Variants in ADSL observed in about 807,000 individuals in gnomAD.
ADSL encodes adenylosuccinase.
Under a neutral mutation model 62.1 loss-of-function variants are expected in ADSL, and 44 were observed. The observed-to-expected ratio is 0.71, with a 90% confidence interval of 0.56 to 0.91. The LOEUF (loss-of-function observed/expected upper bound fraction) is 0.91, where lower values mean the gene tolerates loss of function less well. Ranked by LOEUF, ADSL falls within the 40% of genes least tolerant of loss-of-function variation. The pLI, the probability that ADSL is intolerant of heterozygous loss-of-function variation, is 0.00. For missense variants in ADSL, 531 were observed against 627.4 expected (o/e 0.85, Z 1.64); for synonymous variants, 198 against 220.5 (o/e 0.90, Z 0.90).
rs527429978 is a variant in ADSL, at chr22:40,361,409, C to T, written c.862+67C>T. On this transcript the variant is annotated intron_variant, in intron 8 of 12. Coordinates refer to ENST00000623063, the MANE Select transcript of ADSL (RefSeq NM_000026.4). ...GAAGGCTGTGGATGGGGGCTGAGAG[C>T]TCATTCAGCATGCTTGCCTACTCAC... is the stretch of plus-strand genomic sequence containing the variant. 10 of 1,611,296 alleles carry T rather than the reference C, an allele frequency of 6.2e-6. No individual in the cohort carries two copies. In the East Asian group the frequency reaches 2.2e-4, roughly 36 times the overall value.
At chr22:40,352,461 G>A (rs2044385151) in intron 2 of ADSL, among the ~76,000 whole-genome samples, 1 of 152,118 alleles carries the variant, frequency 6.6e-6, no homozygotes, top group Admixed American at 6.6e-5. Context: ...CCGGGAGGTG[G>A]AGCTCGCAGT....
downstream of ADSL, chr22:40,370,735 TTCCCC>T (rs2045237750): frequency 6.6e-6 from 1 of 152,484 alleles, no homozygotes; most frequent in Non-Finnish European, 1.5e-5. Flanking sequence ...CGCCTACAAG[TTCCCC>T]TCAGGCGGGG....
intron 2 of ADSL, 75 bp downstream of exon 2, chr22:40,350,110 G>T: frequency 2.2e-6 from 3 of 1,355,946 alleles, no homozygotes; most frequent in Non-Finnish European, 3.1e-6. Flanking sequence ...ATGTTGTCCA[G>T]TTGAGGAAGT....
rs148411623 is a variant in ADSL, at chr22:40,358,997, G to T, written c.616G>T (p.Ala206Ser). 2.9e-4 allele frequency: 464 copies of T among 1,614,186 alleles called. No individual in the cohort carries two copies. In the African/African-American group the frequency reaches 5.2e-3, roughly 18 times the overall value. ...RGVKGTTGTQ[A>S]SFLQLFEGDD... ...AGTAAAGGGTACCACTGGCACTCAG[G>T]CCAGTTTCCTGCAGCTCTTTGAGGG... is the stretch of plus-strand genomic sequence containing the variant. Residue 206 changes from alanine (A) to serine (S), a missense_variant, in exon 5 of 13, where the codon GCC becomes TCC. By Grantham distance (99) the Ala-to-Ser change is moderately conservative (BLOSUM62 1). Around this residue, in one of 2 missense-constraint regions of ADSL, gnomAD observed 471 missense variants for 592.9 expected, o/e 0.79. Transcript: ENST00000623063.
At chr22:40,358,748 C>A in intron 4 of ADSL, 116 bp from the exon 5 acceptor site, 1 of 927,648 alleles carries the variant, frequency 1.1e-6, no homozygotes, top group South Asian at 1.4e-5. Context: ...TACTCCCTCT[C>A]TTACTTAAAT....
In ADSL at chr22:40,368,240, T is replaced by G. The variant is rs1042900600; in HGVS notation, c.*1718T>G. On this transcript the variant is annotated 3_prime_UTR_variant, in exon 13 of 13. Coordinates refer to ENST00000623063, the MANE Select transcript of ADSL (RefSeq NM_000026.4). ...GGCCAGACATTGGAACCACTGAGAT[T>G]AGCAACCTACACTCAATCCCCCAGG... 7 of 152,124 alleles carry G rather than the reference T, an allele frequency of 4.6e-5. No individual in the cohort carries two copies. The highest frequency in any genetic ancestry group is 8.8e-5 in the Non-Finnish European group (6 of 68,034). 9.4% of individuals were successfully genotyped at this position (152,124 alleles called of 1,614,324 possible). A position where few individuals can be genotyped will look rare whatever the true frequency, so the allele number is the denominator to read the frequency against.
At chr22:40,373,925 T>G (rs1179195420), downstream of ADSL, among the ~76,000 whole-genome samples, 2 of 150,994 alleles carry the variant, frequency 1.3e-5, no homozygotes, top group Admixed American at 1.3e-4. Context: ...GATAGGGTGG[T>G]TTATTTATTT....
At chr22:40,360,354 A>G (rs934388017) in intron 6 of ADSL, 48 bp from the exon 7 acceptor site, 39 of 1,520,464 alleles carry the variant, frequency 2.6e-5, no homozygotes, top group South Asian at 3.4e-5. Context: ...CACCACTGCA[A>G]TGGCTTTAAA....
At chr22:40,381,466 T>G (rs1165984527) in intron 2 of ADSL, among the ~76,000 whole-genome samples, 1 of 152,184 alleles carries the variant, frequency 6.6e-6, no homozygotes, top group African/African-American at 2.4e-5. Flanking sequence ...ATTTTAACGA[T>G]GCAAGATAGT....
At chr22:40,353,353 C>G (rs183822228) in intron 3 of ADSL, 1 of 702,876 alleles carries the variant, frequency 1.4e-6, no homozygotes, top group East Asian at 2.7e-5. Context: ...TGTCAAGGGG[C>G]GTGATCAAGG....
chr22:40,376,132 A>G (rs975792791), intron 2 of ADSL: 4 of 141,162 alleles, frequency 2.8e-5, no homozygotes, highest in African/African-American at 5.2e-5. Flanking sequence ...GTTTGTAAAT[A>G]TCCTTAATTA....
At position 40,366,449 on chromosome 22, in the gene ADSL, T is replaced by C. The variant is rs1427224642; in HGVS notation, c.1382T>C (p.Leu461Ser). ...TTCCTCTGGCAGGTGCAGAGATTCT[T>C]AGAAGAGGAGGTGTATCCCCTGTTA... is the stretch of plus-strand genomic sequence containing the variant. ...GRASQQVQRF[L>S]EEEVYPLLKP... The change falls in exon 13 of 13, where the codon TTA becomes TCA. Residue 461 changes from leucine (L) to serine (S), a missense_variant. Transcript: ENST00000623063. 2 of 1,611,858 alleles carry C rather than the reference T, an allele frequency of 1.2e-6. No individual in the cohort carries two copies. Among genetic ancestry groups the C allele is most frequent in the Non-Finnish European group, 1.7e-6 (2 of 1,178,072 alleles).
At chr22:40,363,164 G>C (rs536029718) in intron 10 of ADSL, 93 bp downstream of exon 10, 1 of 1,171,556 alleles carries the variant, frequency 8.5e-7, no homozygotes, top group African/African-American at 1.5e-5. Flanking sequence ...GCTGTATTCT[G>C]ATCCGATAGG....
downstream of ADSL, among the ~76,000 whole-genome samples, chr22:40,370,324 C>A (rs373719784): frequency 2.1e-5 from 3 of 144,724 alleles, no homozygotes; most frequent in African/African-American, 7.8e-5. Flanking sequence ...CACTGCACTT[C>A]AGCCTGGGTG....
intron 2 of ADSL, among the ~76,000 whole-genome samples, chr22:40,385,229 A>G (rs868554089): frequency 6.6e-6 from 1 of 152,216 alleles, no homozygotes; most frequent in South Asian, 2.1e-4. Flanking sequence ...TGGTGACAGA[A>G]GCTAGGGTGA....
intron 4 of ADSL, among the ~76,000 whole-genome samples, chr22:40,356,148 G>C (rs2044546484): frequency 6.6e-6 from 1 of 151,518 alleles, no homozygotes; most frequent in Non-Finnish European, 1.5e-5. Context: ...GTTGTAGTGA[G>C]CCAAGATTGC....
At chr22:40,376,178 C>CTTTTTTTTTTT (rs10616868) in intron 2 of ADSL, 8 of 86,844 alleles carry the variant, frequency 9.2e-5, no homozygotes, top group Non-Finnish European at 9.0e-5. Context: ...CAAATTACCA[C>CTTTTTTTTTTT]TTTTTTTTTT....
chr22:40,371,766 G>A (rs920148211), downstream of ADSL, among the ~76,000 whole-genome samples: 3 of 151,488 alleles, frequency 2.0e-5, no homozygotes, highest in African/African-American at 7.3e-5. Flanking sequence ...ACATGATCTC[G>A]GCTCACTGCA....
At position 40,359,278 on chromosome 22, in the gene ADSL, A is replaced by T; in HGVS notation, c.673A>T (p.Met225Leu). ...TTCCAAGGTAGAGCAGCTTGACAAG[A>T]TGGTGACAGAAAAGGCAGGATTTAA... ...DDHKVEQLDKMVTEKAGFKRA... is the reference protein window; with the variant it reads ...DDHKVEQLDKLVTEKAGFKRA... Residue 225 changes from methionine to leucine, a missense_variant, in exon 6 of 13, where the codon ATG (methionine) becomes TTG (leucine). Met to Leu is a conservative substitution (Grantham distance 15). This residue lies in a region of ADSL where 471 missense variants were observed against 592.9 expected (regional missense o/e 0.79). Coordinates refer to ENST00000623063, the MANE Select transcript of ADSL (RefSeq NM_000026.4). 6.2e-7 allele frequency: 1 copy of T among 1,614,194 alleles called. No individual in the cohort carries two copies. The highest frequency in any genetic ancestry group is 8.5e-7 in the Non-Finnish European group (1 of 1,180,034).
Sources: gnomAD v4.1 joint callset for allele counts (sites outside exome capture counted in the v4.1 genomes callset) on GRCh38, gnomAD v4.1.1 for gene constraint, gnomAD v4.1.1 regional missense constraint, MANE v1.5 for transcripts, NCBI Gene and HGNC (gene_info 2026-07-23, HGNC 2026-07-21) for gene names.